KALRN: variants seen among roughly 807,000 people sequenced by gnomAD.
KALRN encodes the protein kalirin.
In KALRN, 70 loss-of-function variants were observed where a neutral mutation model predicts 353.7. The observed-to-expected ratio is 0.20, with a 90% CI of 0.16 to 0.24. The LOEUF (loss-of-function observed/expected upper bound fraction) is 0.24. Ranked by LOEUF, KALRN falls within the 10% of genes least tolerant of loss-of-function variation. The probability of loss-of-function intolerance (pLI) is 1.00; values close to 1 mark genes in which losing one functional copy is unlikely to be tolerated. For synonymous variants in KALRN, 1,391 were observed against 1,434.8 expected (o/e 0.97, Z 0.69); for missense variants, 2,791 against 3,756.7 (o/e 0.74, Z 6.72).
intron 33 of KALRN, among the ~76,000 whole-genome samples, chr3:124,515,022 AC>A (rs2066375090): frequency 6.6e-6 from 1 of 152,240 alleles, no homozygotes; most frequent in Non-Finnish European, 1.5e-5. Flanking sequence ...AATCCATCAG[AC>A]AAAAAACATT....
At chr3:124,488,357 T>A (rs757691899) in intron 29 of KALRN, 42 bp downstream of exon 29, 2 of 1,272,626 alleles carry the variant, frequency 1.6e-6, no homozygotes, top group Non-Finnish European at 2.3e-6. Context: ...CTCTCTTCCT[T>A]GACACGGGGG....
chr3:124,488,326 TC>T lies in KALRN; in HGVS notation c.4396+14del. The T allele has an allele frequency of 6.4e-7, 1 of 1,559,408 alleles. No homozygotes were observed. ...TCAGCATGCTGGAAGGTAGCTGTCC[TC>T]CCAGCACTGGGGAAGCCTCCTCTCT... is the stretch of plus-strand genomic sequence containing the variant. On this transcript the variant is annotated intron_variant, in intron 29 of 59. Coordinates refer to ENST00000682506, the MANE Select transcript of KALRN (RefSeq NM_001388419.1).
Position 124,667,078 on chromosome 3 carries a change from G to C in KALRN, c.6598G>C (p.Glu2200Gln), listed in dbSNP as rs2085731882. The change falls in exon 47 of 60, where the codon GAG (glutamate) becomes CAG (glutamine). Residue 2200 changes from glutamate (E) to glutamine (Q), a missense_variant. Physicochemically the swap from Glu to Gln is conservative, Grantham distance 29 (BLOSUM62 2). Transcript: ENST00000682506. The part of the protein sequence containing the change: ...DPCKFALMNR[E>Q]TSERVVLQAA... ...CTGCAAGTTTGCACTCATGAACAGA[G>C]AGACTTCTGAGAGGGTTGTTCTGCA... 6.2e-7 allele frequency: 1 copy of C among 1,614,194 alleles called. No homozygotes were observed. Among genetic ancestry groups the C allele is most frequent in the African/African-American group, 1.3e-5 (1 of 75,054 alleles).
At chr3:124,086,627 TTA>T (rs1447764603) in intron 1 of KALRN, among the ~76,000 whole-genome samples, 1 of 152,198 alleles carries the variant, frequency 6.6e-6, no homozygotes, top group Non-Finnish European at 1.5e-5. Flanking sequence ...ACTTCCTGCA[TTA>T]TCTTTTAACA....
chr3:124,553,956 G>C (rs1447057156), intron 33 of KALRN, among the ~76,000 whole-genome samples: 1 of 152,254 alleles, frequency 6.6e-6, no homozygotes, highest in Non-Finnish European at 1.5e-5. Context: ...TGCTACTACT[G>C]CCTCTTCTTT....
chr3:124,515,795 A>G (rs1328460710), intron 33 of KALRN, among the ~76,000 whole-genome samples: 4 of 152,198 alleles, frequency 2.6e-5, no homozygotes, highest in Admixed American at 1.3e-4. Flanking sequence ...TTTTTGAAAA[A>G]TCATCTCAAT....
chr3:124,104,809 C>T (rs983506543), intron 1 of KALRN, among the ~76,000 whole-genome samples: 4 of 152,104 alleles, frequency 2.6e-5, no homozygotes, highest in East Asian at 1.9e-4. Context: ...TAAGTCTTCT[C>T]GGAATATCTG....
At chr3:124,507,277 G>C (rs2065339845) in intron 33 of KALRN, among the ~76,000 whole-genome samples, 1 of 152,026 alleles carries the variant, frequency 6.6e-6, no homozygotes, top group Non-Finnish European at 1.5e-5. Context: ...GTCTCTTAAA[G>C]GGGAATGCTT....
At chr3:124,604,733 C>T (rs531922032) in intron 34 of KALRN, among the ~76,000 whole-genome samples, 7 of 151,994 alleles carry the variant, frequency 4.6e-5, no homozygotes, top group East Asian at 1.9e-4. Context: ...GTCACCCAGA[C>T]TGGAATGCAG....
Position 124,269,036 on chromosome 3 carries a change from G to A in KALRN, c.750G>A (p.Glu250=), listed in dbSNP as rs775488440. The A allele has an allele frequency of 8.1e-6, 13 of 1,613,422 alleles. No homozygotes were observed. Among genetic ancestry groups the A allele is most frequent in the Non-Finnish European group, 1.1e-5 (13 of 1,179,812 alleles). Residue 250 remains glutamate, a synonymous_variant, in exon 5 of 60, where the codon GAG becomes GAA. Coordinates refer to ENST00000682506, the MANE Select transcript of KALRN (RefSeq NM_001388419.1). ...LKAPVEELDR[E]GQRLLQCIRC... ...CCCCTGTGGAGGAGCTGGACCGGGA[G>A]GGGCAGCGGCTGCTGCAGTGCATCC...
At chr3:124,629,058 T>C (rs1300491225) in intron 34 of KALRN, among the ~76,000 whole-genome samples, 1 of 152,170 alleles carries the variant, frequency 6.6e-6, no homozygotes, top group Non-Finnish European at 1.5e-5. Flanking sequence ...AATAATTTGT[T>C]TAAATACCTA....
intron 1 of KALRN, among the ~76,000 whole-genome samples, chr3:124,109,993 T>TGCTTTG (rs1246453614): frequency 6.3e-4 from 20 of 31,502 alleles, no homozygotes; most frequent in African/African-American, 1.1e-3. Flanking sequence ...ATATATGTCA[T>TGCTTTG]ACTTTGATAT....
intron 1 of KALRN, among the ~76,000 whole-genome samples, chr3:124,056,746 C>T (rs2041582640): frequency 6.6e-6 from 1 of 152,192 alleles, no homozygotes; most frequent in Non-Finnish European, 1.5e-5. Context: ...AACCTCCAGC[C>T]TTGCCAGTCT....
chr3:124,254,453 G>C (rs1013034613), intron 3 of KALRN, among the ~76,000 whole-genome samples: 1 of 139,804 alleles, frequency 7.2e-6, no homozygotes, highest in Non-Finnish European at 1.5e-5. Flanking sequence ...AAAAAAAATT[G>C]TAGTTTTATG....
chr3:124,401,336 C>T (rs2090842074), intron 13 of KALRN, among the ~76,000 whole-genome samples: 1 of 152,060 alleles, frequency 6.6e-6, no homozygotes, highest in Admixed American at 6.6e-5. Context: ...GAAACTCCAT[C>T]TCCACCAAAA....
intron 51 of KALRN, among the ~76,000 whole-genome samples, chr3:124,684,640 C>G (rs1270163889): frequency 6.6e-6 from 1 of 152,210 alleles, no homozygotes; most frequent in Admixed American, 6.5e-5. Context: ...GAGCACCATG[C>G]ACGTCTAAGG....
chr3:124,614,341 T>C (rs2078325493), intron 34 of KALRN, among the ~76,000 whole-genome samples: 1 of 151,762 alleles, frequency 6.6e-6, no homozygotes, highest in African/African-American at 2.4e-5. Flanking sequence ...CGATCACGGC[T>C]CAATGCAGCC....
At chr3:124,171,382 T>C (rs2071798079) in intron 1 of KALRN, among the ~76,000 whole-genome samples, 1 of 152,200 alleles carries the variant, frequency 6.6e-6, no homozygotes, top group African/African-American at 2.4e-5. Context: ...GTGCTGGTTG[T>C]CAGCTGAATA....
At chr3:124,296,000 TTC>T (rs2076815143) in intron 5 of KALRN, among the ~76,000 whole-genome samples, 1 of 152,170 alleles carries the variant, frequency 6.6e-6, no homozygotes, top group Non-Finnish European at 1.5e-5. Context: ...CTGAAATAAA[TTC>T]TCTGACACTC....
Sources: gnomAD v4.1 joint callset for allele counts (sites outside exome capture counted in the v4.1 genomes callset) on GRCh38, gnomAD v4.1.1 for gene constraint, MANE v1.5 for transcripts, NCBI Gene and HGNC (gene_info 2026-07-23, HGNC 2026-07-21) for gene names.